BOLL: variants seen among roughly 807,000 people sequenced by gnomAD.
BOLL encodes boule RNA binding protein.
BOLL carries 23 observed loss-of-function variants against 44.4 expected under a neutral mutation model. The observed-to-expected ratio is 0.52, with a 90% CI of 0.37 to 0.73. The LOEUF (loss-of-function observed/expected upper bound fraction) is 0.73. BOLL is among the 30% of genes least tolerant of loss of function. The pLI is 0.00. For synonymous variants in BOLL, 97 were observed against 110.8 expected, an observed-to-expected ratio of 0.88 and a Z score of 0.78; for missense variants, 287 against 338.3, an observed-to-expected ratio of 0.85 and a Z score of 1.19.
intron 9 of BOLL, among the ~76,000 whole-genome samples, chr2:197,755,284 A>G (rs1487379522): frequency 6.6e-6 from 1 of 152,212 alleles, no homozygotes; most frequent in Non-Finnish European, 1.5e-5. Context: ...ACGCTTTTTT[A>G]CACTGTTGGT....
intron 9 of BOLL, among the ~76,000 whole-genome samples, chr2:197,748,130 C>T (rs1387290525): frequency 3.3e-5 from 5 of 152,122 alleles, no homozygotes; most frequent in Non-Finnish European, 4.4e-5. Flanking sequence ...TCACCTCACC[C>T]GGGAAGCACA....
chr2:197,774,839 A>C (rs1214075469), intron 5 of BOLL: 3 of 151,910 alleles, frequency 2.0e-5, no homozygotes, highest in African/African-American at 7.2e-5. Flanking sequence ...TTTTTGTTGT[A>C]GTTGTGGCAA....
Position 197,781,729 on chromosome 2 carries a change from T to C in BOLL, c.122A>G (p.Asp41Gly). 6.4e-7 allele frequency: 1 copy of C among 1,551,354 alleles called. No homozygotes were observed. Among genetic ancestry groups the C allele is most frequent in the Non-Finnish European group, 8.8e-7 (1 of 1,139,906 alleles). ...IPNRIFVGGI[D>G]FKTNESDLRK... ...GCATGCATAAATAGGTACCTTAAAA[T>C]CAATTCCTCCTACAAAGATGCGATT... is the stretch of plus-strand genomic sequence containing the variant. Residue 41 changes from aspartate to glycine, a missense_variant, in exon 2 of 11, where the codon GAT becomes GGT. Physicochemically the swap from Asp to Gly is moderately conservative, Grantham distance 94. Coordinates refer to ENST00000392296, the MANE Select transcript of BOLL (RefSeq NM_033030.6).
intron 9 of BOLL, among the ~76,000 whole-genome samples, chr2:197,748,732 C>G (rs1688099563): frequency 6.6e-6 from 1 of 152,236 alleles, no homozygotes; most frequent in Non-Finnish European, 1.5e-5. Context: ...GCAGCAGCCC[C>G]AGTCAGGGGC....
At chr2:197,762,898 T>A (rs1253934632) in intron 7 of BOLL, among the ~76,000 whole-genome samples, 1 of 151,892 alleles carries the variant, frequency 6.6e-6, no homozygotes, top group Non-Finnish European at 1.5e-5. Context: ...AAATAAACAA[T>A]GTTGAGACTA....
chr2:197,760,711 A>G (rs1417339744), intron 7 of BOLL, among the ~76,000 whole-genome samples: 1 of 152,234 alleles, frequency 6.6e-6, no homozygotes, highest in Non-Finnish European at 1.5e-5. Flanking sequence ...ACAGCTTAAG[A>G]GACTAAACAG....
intron 7 of BOLL, among the ~76,000 whole-genome samples, chr2:197,759,518 C>T (rs1688659660): frequency 6.6e-6 from 1 of 152,124 alleles, no homozygotes; most frequent in Non-Finnish European, 1.5e-5. Context: ...AAGCCATAGT[C>T]ATCTCTAGGG....
At chr2:197,763,479 T>A (rs1405261447) in intron 7 of BOLL, among the ~76,000 whole-genome samples, 4 of 127,608 alleles carry the variant, frequency 3.1e-5, no homozygotes, top group South Asian at 2.6e-4. Context: ...GAGTCCGTCT[T>A]AAAAAAAAAA....
At chr2:197,778,825 C>A in intron 3 of BOLL, 150 bp downstream of exon 3, 1 of 611,528 alleles carries the variant, frequency 1.6e-6, no homozygotes, top group Non-Finnish European at 2.8e-6. Context: ...CACACACACA[C>A]ACACACAAGG....
chr2:197,736,867 T>C (rs1687518595), intron 10 of BOLL, among the ~76,000 whole-genome samples: 2 of 152,176 alleles, frequency 1.3e-5, no homozygotes, highest in Non-Finnish European at 2.9e-5. Context: ...TGGTTGGACC[T>C]GTCTCTCTGC....
intron 9 of BOLL, among the ~76,000 whole-genome samples, chr2:197,748,997 A>T (rs1688111722): frequency 6.6e-6 from 1 of 152,236 alleles, no homozygotes; most frequent in Non-Finnish European, 1.5e-5. Context: ...TCCAGTTGGC[A>T]TCTGGTGGGT....
At chr2:197,742,497 A>T (rs1292535822) in intron 10 of BOLL, among the ~76,000 whole-genome samples, 1 of 152,226 alleles carries the variant, frequency 6.6e-6, no homozygotes, top group Non-Finnish European at 1.5e-5. Flanking sequence ...AAAAATGATG[A>T]GTTCATGTCC....
intron 7 of BOLL, among the ~76,000 whole-genome samples, chr2:197,763,255 G>A (rs1018303546): frequency 3.9e-5 from 6 of 152,106 alleles, no homozygotes; most frequent in Non-Finnish European, 7.4e-5. Flanking sequence ...GGCCGAGGCG[G>A]GCAGATCACG....
At chr2:197,784,391 CATATATATAT>C (rs60865376) in intron 1 of BOLL, among the ~76,000 whole-genome samples, 1,936 of 54,554 alleles carry the variant, frequency 0.035, 44 homozygotes, top group Non-Finnish European at 0.039. Flanking sequence ...CAGTCTAATA[CATATATATAT>C]ATATATATAT....
chr2:197,785,390 T>A, upstream of BOLL: 1 of 985,842 alleles, frequency 1.0e-6, no homozygotes, highest in African/African-American at 1.7e-5. This position sits in a 1 kb window ranked among gnomAD's most constrained non-coding sequence, Gnocchi z 6.7. Context: ...GGATGGCACG[T>A]TGCCGCTGCG....
intron 9 of BOLL, among the ~76,000 whole-genome samples, chr2:197,748,662 CTG>C (rs971554911): frequency 6.6e-6 from 1 of 152,234 alleles, no homozygotes; most frequent in African/African-American, 2.4e-5. Flanking sequence ...TGCAAAGCCA[CTG>C]TAGCCAGACT....
rs952580590 is a variant in BOLL at position 197,783,075 on chromosome 2, A to T, written c.-15-1210T>A. On this transcript the variant is annotated intron_variant, in intron 1 of 10. Transcript: ENST00000392296. Reference sequence around the variant, plus strand: ...TTCAAGAACTGGTGAATTATTTTCCATCTGGAAACACTAAACACACTTCTG... The same window carrying T: ...TTCAAGAACTGGTGAATTATTTTCCTTCTGGAAACACTAAACACACTTCTG... Among the ~76,000 whole-genome samples, 4 of 152,168 alleles carry T rather than the reference A, an allele frequency of 2.6e-5. No individual in the cohort carries two copies. The South Asian group carries it at 8.3e-4, about 32-fold the overall frequency.
At chr2:197,729,363 T>A (rs932292505) in intron 10 of BOLL, among the ~76,000 whole-genome samples, 1 of 152,112 alleles carries the variant, frequency 6.6e-6, no homozygotes, top group African/African-American at 2.4e-5. Flanking sequence ...GAGCTCTAAC[T>A]GCAAGGCGGC....
intron 7 of BOLL, 50 bp downstream of exon 7, chr2:197,766,482 A>C (rs764634852): frequency 7.7e-6 from 11 of 1,421,704 alleles, no homozygotes; most frequent in Non-Finnish European, 1.1e-5. Flanking sequence ...AAGTTAGCTA[A>C]GAAAGGACTG....
Sources: gnomAD v4.1 joint callset for allele counts (sites outside exome capture counted in the v4.1 genomes callset) on GRCh38, gnomAD v4.1.1 for gene constraint, Gnocchi (gnomAD v3.1) non-coding constraint, MANE v1.5 for transcripts, NCBI Gene and HGNC (gene_info 2026-07-23, HGNC 2026-07-21) for gene names.